FNDC3A: variants seen among roughly 807,000 people sequenced by gnomAD.
The protein encoded by FNDC3A is fibronectin type III domain containing 3A, also known as fibronectin type-III domain-containing protein 3A.
Under a neutral mutation model 148.9 loss-of-function variants are expected in FNDC3A, and 32 were observed. That is an observed-to-expected ratio of 0.21 (90% CI 0.16 to 0.29). The LOEUF is 0.29. FNDC3A is among the 10% of genes least tolerant of loss of function. The pLI, the probability that FNDC3A is intolerant of heterozygous loss-of-function variation, is 1.00. For missense variants in FNDC3A, 1,191 were observed against 1,452.8 expected (o/e 0.82, Z 2.93); for synonymous variants, 472 against 473.6 (o/e 1.00, Z 0.04).
intron 7 of FNDC3A, 103 bp from the exon 8 acceptor site, chr13:49,145,675 A>AG: frequency 1.1e-6 from 1 of 915,534 alleles, no homozygotes; most frequent in South Asian, 1.5e-5. Context: ...ATCTATATAA[A>AG]CAGATACATT....
chr13:49,038,677 G>A (rs1351006128), intron 2 of FNDC3A, among the ~76,000 whole-genome samples: 2 of 152,156 alleles, frequency 1.3e-5, no homozygotes, highest in South Asian at 4.2e-4. Context: ...TTGAATTCTG[G>A]GTTGATTTTC....
At chr13:49,158,150 C>G (rs1168075533) in intron 8 of FNDC3A, among the ~76,000 whole-genome samples, 1 of 152,204 alleles carries the variant, frequency 6.6e-6, no homozygotes, top group Non-Finnish European at 1.5e-5. Context: ...TGATCTCAGA[C>G]TGCTGTGCTA....
chr13:49,188,675 T>C, intron 17 of FNDC3A, 42 bp downstream of exon 17: 1 of 1,328,674 alleles, frequency 7.5e-7, no homozygotes. Flanking sequence ...TTATTAAGTT[T>C]GGCCAAATGG....
At chr13:49,040,266 T>C (rs190535451) in intron 2 of FNDC3A, among the ~76,000 whole-genome samples, 345 of 152,338 alleles carry the variant, frequency 2.3e-3, no homozygotes, top group Admixed American at 3.5e-3. Context: ...GCTCACTAAT[T>C]CTATTTATCT....
chr13:49,025,686 G>A (rs1468918976), intron 2 of FNDC3A, among the ~76,000 whole-genome samples: 1 of 151,962 alleles, frequency 6.6e-6, no homozygotes, highest in East Asian at 1.9e-4. Flanking sequence ...TGATTAATTG[G>A]ACTTATTAAA....
chr13:49,175,457 G>T lies in FNDC3A; in HGVS notation c.1446G>T (p.Trp482Cys). ...SPVLTKAGIT[W>C]LSLQWSKPSG... ...TATTAACCAAGGCTGGAATTACTTGGTTATCCTTACAATGGAGTAAGCCCT... is the reference window on the plus strand; with the variant it reads ...TATTAACCAAGGCTGGAATTACTTGTTTATCCTTACAATGGAGTAAGCCCT... Residue 482 changes from tryptophan to cysteine, a missense_variant, in exon 13 of 26, where the codon TGG (tryptophan) becomes TGT (cysteine). By Grantham distance (215) the Trp-to-Cys change is radical (BLOSUM62 -2). This residue lies in a region of FNDC3A where 751 missense variants were observed against 944.0 expected (regional missense o/e 0.80). Transcript: ENST00000492622. The T allele has an allele frequency of 1.2e-6, 2 of 1,613,300 alleles. No individual in the cohort carries two copies. Among genetic ancestry groups the T allele is most frequent in the South Asian group, 1.1e-5 (1 of 91,040 alleles).
intron 3 of FNDC3A, among the ~76,000 whole-genome samples, chr13:49,085,456 G>C (rs1878744280): frequency 6.6e-6 from 1 of 152,126 alleles, no homozygotes; most frequent in Non-Finnish European, 1.5e-5. Flanking sequence ...ATGCAAGTAA[G>C]ACTCCTAGTA....
At position 49,198,521 on chromosome 13, in the gene FNDC3A, A is replaced by T. The variant is rs919296193; in HGVS notation, c.2934A>T (p.Thr978=). ...KLKWGEGTPK[T]LSTDSIQYHL... is the part of the protein sequence containing the mutation. Reference sequence around the variant, plus strand: ...AATGGGGAGAAGGAACTCCAAAGACATTGTCAACCGATTCTATTCAGTACC... The same window carrying T: ...AATGGGGAGAAGGAACTCCAAAGACTTTGTCAACCGATTCTATTCAGTACC... The change falls in exon 23 of 26, where the codon ACA becomes ACT. Residue 978 remains threonine (T), a synonymous_variant. Coordinates refer to ENST00000492622, the MANE Select transcript of FNDC3A (RefSeq NM_001079673.2). 2 of 1,614,082 alleles carry T rather than the reference A, an allele frequency of 1.2e-6. No homozygotes were observed. Among genetic ancestry groups the T allele is most frequent in the African/African-American group, 2.7e-5 (2 of 74,946 alleles).
intron 7 of FNDC3A, among the ~76,000 whole-genome samples, chr13:49,140,332 T>C (rs2137951808): frequency 6.6e-6 from 1 of 152,226 alleles, no homozygotes; most frequent in South Asian, 2.1e-4. Flanking sequence ...CAAGAACCTG[T>C]CTCATAAATA....
chr13:49,085,517 T>C (rs1225513432), intron 3 of FNDC3A, among the ~76,000 whole-genome samples: 1 of 152,202 alleles, frequency 6.6e-6, no homozygotes, highest in Non-Finnish European at 1.5e-5. Flanking sequence ...TCATGACTCT[T>C]GATACTTCAG....
chr13:48,996,780 G>A (rs1159939540), intron 1 of FNDC3A, among the ~76,000 whole-genome samples: 6 of 152,052 alleles, frequency 3.9e-5, no homozygotes, highest in African/African-American at 2.4e-5. Flanking sequence ...ATTGGATTTC[G>A]GCAGGGCATG....
intron 17 of FNDC3A, among the ~76,000 whole-genome samples, chr13:49,190,107 C>CG (rs976639047): frequency 2.6e-5 from 4 of 152,000 alleles, no homozygotes; most frequent in Non-Finnish European, 4.4e-5. Flanking sequence ...AGGATGGTCT[C>CG]GATCTTCTGA....
intron 3 of FNDC3A, among the ~76,000 whole-genome samples, chr13:49,103,706 C>A (rs1328064000): frequency 6.6e-6 from 1 of 151,942 alleles, no homozygotes; most frequent in East Asian, 1.9e-4. Flanking sequence ...GTCAGAACTT[C>A]CAAATAGATG....
intron 3 of FNDC3A, among the ~76,000 whole-genome samples, chr13:49,078,598 G>A (rs954789706): frequency 1.3e-5 from 2 of 152,196 alleles, no homozygotes; most frequent in Non-Finnish European, 1.5e-5. Context: ...AATATGGGTG[G>A]AAGGAATAGT....
At chr13:49,115,196 A>T (rs1371573038) in intron 4 of FNDC3A, among the ~76,000 whole-genome samples, 1 of 112,810 alleles carries the variant, frequency 8.9e-6, no homozygotes, top group Non-Finnish European at 1.8e-5. Flanking sequence ...GGGGGGGGGA[A>T]ATAAAAAAAA....
chr13:49,033,227 A>T (rs564873426), intron 2 of FNDC3A, among the ~76,000 whole-genome samples: 1 of 152,302 alleles, frequency 6.6e-6, no homozygotes, highest in East Asian at 1.9e-4. Context: ...TTAAATTCTG[A>T]CTTGTTAACT....
chr13:49,048,442 A>G (rs1262654056), intron 2 of FNDC3A, among the ~76,000 whole-genome samples: 1 of 152,094 alleles, frequency 6.6e-6, no homozygotes, highest in Non-Finnish European at 1.5e-5. Flanking sequence ...ATGAATTAAT[A>G]TTAATTCGTG....
At position 49,006,249 on chromosome 13, in the gene FNDC3A, T is replaced by G. The variant is rs764499260; in HGVS notation, c.59T>G (p.Leu20Arg). 3.7e-6 allele frequency: 6 copies of G among 1,609,832 alleles called. No individual in the cohort carries two copies. Among genetic ancestry groups the G allele is most frequent in the Non-Finnish European group, 3.4e-6 (4 of 1,176,780 alleles). The change falls in exon 2 of 26, where the codon CTT becomes CGT. Residue 20 changes from leucine to arginine, a missense_variant. Physicochemically the swap from Leu to Arg is moderately radical, Grantham distance 102. Coordinates refer to ENST00000492622, the MANE Select transcript of FNDC3A (RefSeq NM_001079673.2). ...TTQILSSDIS[L>R]LSAPIVSADG... ...CAGATCTTAAGTAGTGATATTTCTC[T>G]TTTGTCTGCCCCTATTGTAAGTGCA...
chr13:49,130,551 T>C lies in FNDC3A; in HGVS notation c.253-586T>C, dbSNP rs978158036. 5.3e-5 allele frequency among the ~76,000 whole-genome samples: 8 copies of C among 152,154 alleles called. 1 individual carries two copies. ...AAATTACTCCATCAGGAAATGCACATAACACATAGGATAAATATCTAGTAT... is the reference window on the plus strand; with the variant it reads ...AAATTACTCCATCAGGAAATGCACACAACACATAGGATAAATATCTAGTAT... On this transcript the variant is annotated intron_variant, in intron 4 of 25. Transcript: ENST00000492622.
Sources: allele counts gnomAD v4.1 joint callset (sites outside exome capture counted in the v4.1 genomes callset), GRCh38; gene constraint gnomAD v4.1.1; regional missense constraint gnomAD v4.1.1; transcripts MANE v1.5; gene names NCBI Gene and HGNC (gene_info 2026-07-23, HGNC 2026-07-21).